The following PPP2R5B variants were observed in gnomAD, a reference collection of about 807,000 sequenced individuals.
The protein encoded by PPP2R5B is protein phosphatase 2 regulatory subunit B'beta, also known as serine/threonine-protein phosphatase 2A 56 kDa regulatory subunit beta isoform.
In PPP2R5B, 19 loss-of-function variants were observed where a neutral mutation model predicts 59.9. The observed-to-expected ratio is 0.32, with a 90% CI of 0.22 to 0.47. The LOEUF is 0.47. Ranked by LOEUF, PPP2R5B falls within the 20% of genes least tolerant of loss-of-function variation. The pLI is 1.00. For synonymous variants in PPP2R5B, 286 were observed against 260.5 expected (o/e 1.10, Z -0.94); for missense variants, 441 against 640.2 (o/e 0.69, Z 3.36).
chr11:64,925,999 G>T lies in PPP2R5B; in HGVS notation c.199+66G>T, dbSNP rs1323420599. The T allele has an allele frequency of 1.3e-6, 2 of 1,500,446 alleles. No individual in the cohort carries two copies. The highest frequency in any genetic ancestry group is 1.8e-6 in the Non-Finnish European group (2 of 1,104,562). 92.9% of individuals were successfully genotyped at this position (1,500,446 alleles called of 1,614,324 possible). A position where few individuals can be genotyped will look rare whatever the true frequency, so the allele number is the denominator to read the frequency against. ...GGGGACCAGCAGGGCCATGGGGAGG[G>T]GTGGGAGGCAGCGGGCAGCTGCCAA... On this transcript the variant is annotated intron_variant, in intron 2 of 13. Coordinates refer to ENST00000164133, the MANE Select transcript of PPP2R5B (RefSeq NM_006244.4). The surrounding 1 kb of genome is among the most constrained non-coding windows in gnomAD (Gnocchi z 4.6).
intron 3 of PPP2R5B, chr11:64,927,595 C>T: frequency 1.8e-6 from 1 of 569,446 alleles, no homozygotes; most frequent in Admixed American, 3.0e-5. Flanking sequence ...TCCAGCTACT[C>T]AGAAGGCTGA....
At chr11:64,930,181 G>A in intron 6 of PPP2R5B, 141 bp from the exon 7 acceptor site, 3 of 917,862 alleles carry the variant, frequency 3.3e-6, no homozygotes, top group Non-Finnish European at 3.5e-6. Flanking sequence ...GGTTTGGGAT[G>A]TTGGGAAGGG....
intron 6 of PPP2R5B, among the ~76,000 whole-genome samples, chr11:64,928,709 C>T (rs1202566499): frequency 6.6e-6 from 1 of 152,300 alleles, no homozygotes; most frequent in South Asian, 2.1e-4. Context: ...CAGGTGAAAC[C>T]CCGTCTCTAC....
In PPP2R5B at chr11:64,934,028, C is replaced by T; in HGVS notation, c.*184C>T. 3 of 690,656 alleles carry T rather than the reference C, an allele frequency of 4.3e-6. No individual in the cohort carries two copies. Among genetic ancestry groups the T allele is most frequent in the Non-Finnish European group, 6.5e-6 (3 of 458,374 alleles). 42.8% of individuals were successfully genotyped at this position (690,656 alleles called of 1,614,324 possible). ...GGAGAGGCAATGGTGGTCTTGGCAA[C>T]AGAATGCTCAGCCCCTCGTGGCAGG... On this transcript the variant is annotated 3_prime_UTR_variant, in exon 14 of 14. Coordinates refer to ENST00000164133, the MANE Select transcript of PPP2R5B (RefSeq NM_006244.4).
rs770705696 is a variant in PPP2R5B at position 64,933,131 on chromosome 11, T to C, written c.1245-14T>C. On this transcript the variant is annotated splice_polypyrimidine_tract_variant and intron_variant, in intron 12 of 13. Coordinates refer to ENST00000164133, the MANE Select transcript of PPP2R5B (RefSeq NM_006244.4). Reference sequence around the variant, plus strand: ...AGCTGTTTCATCTCCTCATCCCTCCTTGACACTGCCAAGAACCATCGTATC... The same window carrying C: ...AGCTGTTTCATCTCCTCATCCCTCCCTGACACTGCCAAGAACCATCGTATC... 1.3e-6 allele frequency: 2 copies of C among 1,596,268 alleles called. No homozygotes were observed. Among genetic ancestry groups the C allele is most frequent in the Non-Finnish European group, 1.7e-6 (2 of 1,164,224 alleles).
At position 64,927,867 on chromosome 11, in the gene PPP2R5B, T is replaced by C; in HGVS notation, c.462T>C (p.Asp154=). 1 of 1,612,682 alleles carries C rather than the reference T, an allele frequency of 6.2e-7. No homozygotes were observed. Among genetic ancestry groups the C allele is most frequent in the Non-Finnish European group, 8.5e-7 (1 of 1,178,680 alleles). Residue 154 remains aspartate, a synonymous_variant, in exon 4 of 14, where the codon GAT becomes GAC. Transcript: ENST00000164133. ...ACCCTGAATTTGACCCTGAAGAGGATGAGCCCAATCTTGAGCCTTCGTGGC... is the reference window on the plus strand; with the variant it reads ...ACCCTGAATTTGACCCTGAAGAGGACGAGCCCAATCTTGAGCCTTCGTGGC... ...SENPEFDPEE[D]EPNLEPSWPH...
In PPP2R5B at chr11:64,933,194, A is replaced by C; in HGVS notation, c.1294A>C (p.Asn432His). The C allele has an allele frequency of 6.2e-7, 1 of 1,613,630 alleles. No homozygotes were observed. Among genetic ancestry groups the C allele is most frequent in the Non-Finnish European group, 8.5e-7 (1 of 1,179,658 alleles). Residue 432 changes from asparagine to histidine, a missense_variant, in exon 13 of 14, where the codon AAT becomes CAT. Around this residue, in one of 3 missense-constraint regions of PPP2R5B, gnomAD observed 268 missense variants for 488.1 expected, o/e 0.55. Coordinates refer to ENST00000164133, the MANE Select transcript of PPP2R5B (RefSeq NM_006244.4). Reference protein sequence around the residue: ...YNVLKTFMEMNGKLFDELTAS... With the variant: ...YNVLKTFMEMHGKLFDELTAS... ...TGTGCTCAAGACCTTCATGGAGATG[A>C]ATGGGAAGCTGTTTGATGAGCTCAC...
chr11:64,932,119 A>C (rs1264776154), intron 11 of PPP2R5B, among the ~76,000 whole-genome samples: 1 of 152,222 alleles, frequency 6.6e-6, no homozygotes, highest in African/African-American at 2.4e-5. Flanking sequence ...ATGGGCCAAC[A>C]ACCTCTTCAC....
intron 1 of PPP2R5B, among the ~76,000 whole-genome samples, chr11:64,918,622 T>A (rs1945072284): frequency 6.6e-6 from 1 of 152,040 alleles, no homozygotes; most frequent in African/African-American, 2.4e-5. Flanking sequence ...CGAGCCACCG[T>A]GCCCGGCCTA....
chr11:64,931,901 G>C lies in PPP2R5B; in HGVS notation c.1116+33G>C. 1 of 1,607,246 alleles carries C rather than the reference G, an allele frequency of 6.2e-7. No homozygotes were observed. Among genetic ancestry groups the C allele is most frequent in the Non-Finnish European group, 8.5e-7 (1 of 1,176,982 alleles). On this transcript the variant is annotated intron_variant, in intron 11 of 13. Coordinates refer to ENST00000164133, the MANE Select transcript of PPP2R5B (RefSeq NM_006244.4). This position sits in a 1 kb window ranked among gnomAD's most constrained non-coding sequence, Gnocchi z 5.0. ...GCAGGACAGGCGGGGATGGGAGCAG[G>C]GCTGGCCTGGAAAGGTTGGGTAGCT...
chr11:64,921,884 T>A (rs677805), upstream of PPP2R5B, among the ~76,000 whole-genome samples: 9 of 152,150 alleles, frequency 5.9e-5, no homozygotes, highest in Admixed American at 2.0e-4. Context: ...ACATACATCT[T>A]TCGTTGCATA....
At chr11:64,932,158 T>C (rs1945233852) in intron 11 of PPP2R5B, among the ~76,000 whole-genome samples, 2 of 152,196 alleles carry the variant, frequency 1.3e-5, no homozygotes, top group African/African-American at 2.4e-5. Flanking sequence ...GAAGAGATTG[T>C]GAGTGTAAAC....
chr11:64,933,399 GC>G (rs1396086749), intron 13 of PPP2R5B, among the ~76,000 whole-genome samples, 153 bp downstream of exon 13: 2 of 152,122 alleles, frequency 1.3e-5, no homozygotes, highest in Non-Finnish European at 2.9e-5. Flanking sequence ...CTGACTGTCT[GC>G]CCCTGTATCC....
In PPP2R5B at chr11:64,931,363, C is replaced by T; in HGVS notation, c.892-73C>T. 1 of 1,527,304 alleles carries T rather than the reference C, an allele frequency of 6.5e-7. No individual in the cohort carries two copies. The highest frequency in any genetic ancestry group is 9.0e-7 in the Non-Finnish European group (1 of 1,107,618). 94.6% of individuals were successfully genotyped at this position (1,527,304 alleles called of 1,614,324 possible). A position where few individuals can be genotyped will look rare whatever the true frequency, so the allele number is the denominator to read the frequency against. ...GGTGAGCAGTATTTGGCATTCTGTCCTGGACAGCAAGTCCTTGGCGCCTGG... is the reference window on the plus strand; with the variant it reads ...GGTGAGCAGTATTTGGCATTCTGTCTTGGACAGCAAGTCCTTGGCGCCTGG... On this transcript the variant is annotated intron_variant, in intron 8 of 13. Transcript: ENST00000164133. This position sits in a 1 kb window ranked among gnomAD's most constrained non-coding sequence, Gnocchi z 5.0.
At chr11:64,918,961 G>A (rs574945948) in intron 1 of PPP2R5B, among the ~76,000 whole-genome samples, 1 of 152,320 alleles carries the variant, frequency 6.6e-6, no homozygotes, top group South Asian at 2.1e-4. Flanking sequence ...TATGTAACTG[G>A]GGTTGGGTTA....
At chr11:64,933,604 C>A (rs1447140613) in intron 13 of PPP2R5B, 93 bp from the exon 14 acceptor site, 5 of 1,424,256 alleles carry the variant, frequency 3.5e-6, no homozygotes, top group Non-Finnish European at 3.7e-6. Context: ...CTTCCCTTTG[C>A]CGGTGGGGTG....
At position 64,925,723 on chromosome 11, in the gene PPP2R5B, C is replaced by A; in HGVS notation, c.-12C>A. On this transcript the variant is annotated 5_prime_UTR_variant, in exon 2 of 14. Transcript: ENST00000164133. The surrounding 1 kb of genome is among the most constrained non-coding windows in gnomAD (Gnocchi z 4.6). ...CCGGGGCTCTGAAAGCTTGCCCTGC[C>A]GCCTGACCGCCATGGAGACGAAGCT... 2 of 1,572,536 alleles carry A rather than the reference C, an allele frequency of 1.3e-6. No individual in the cohort carries two copies. Among genetic ancestry groups the A allele is most frequent in the Non-Finnish European group, 8.7e-7 (1 of 1,151,914 alleles).
Position 64,933,949 on chromosome 11 carries a change from A to C in PPP2R5B, c.*105A>C. 1 of 1,347,520 alleles carries C rather than the reference A, an allele frequency of 7.4e-7. No homozygotes were observed. Among genetic ancestry groups the C allele is most frequent in the Non-Finnish European group, 9.7e-7 (1 of 1,031,502 alleles). The allele number at this position is 1,347,520 out of a possible 1,614,324, so 83.5% of individuals were successfully genotyped here. On this transcript the variant is annotated 3_prime_UTR_variant, in exon 14 of 14. Coordinates refer to ENST00000164133, the MANE Select transcript of PPP2R5B (RefSeq NM_006244.4). ...AAACACACCTACCCCTGGCCTTGCC[A>C]GAGTGGCTTCTGAGGACTCCCTGCC...
At chr11:64,919,274 C>T (rs1451014617) in intron 1 of PPP2R5B, among the ~76,000 whole-genome samples, 2 of 151,456 alleles carry the variant, frequency 1.3e-5, no homozygotes, top group East Asian at 3.9e-4. Flanking sequence ...ACCTGGGAGG[C>T]GGAGCTTGTG....
Sources: allele counts gnomAD v4.1 joint callset (sites outside exome capture counted in the v4.1 genomes callset), GRCh38; gene constraint gnomAD v4.1.1; regional missense constraint gnomAD v4.1.1; non-coding constraint Gnocchi (gnomAD v3.1); transcripts MANE v1.5; gene names NCBI Gene and HGNC (gene_info 2026-07-23, HGNC 2026-07-21).